The following PCDHGA8 variants were observed in gnomAD, a reference collection of about 807,000 sequenced individuals.
PCDHGA8 encodes the protein protocadherin gamma-A8.
A neutral mutation model predicts 59.2 loss-of-function variants in PCDHGA8; 45 were observed. The observed-to-expected ratio is 0.76, with a 90% CI of 0.60 to 0.98. PCDHGA8 has a LOEUF of 0.98. Ranked by LOEUF, PCDHGA8 falls within the 50% of genes least tolerant of loss-of-function variation. The pLI is 0.00. For synonymous variants in PCDHGA8, 531 were observed against 519.0 expected, an observed-to-expected ratio of 1.02 and a Z score of -0.32; for missense variants, 1,257 against 1,196.2, an observed-to-expected ratio of 1.05 and a Z score of -0.75.
chr5:141,441,762 C>A (rs3805697), intron 1 of PCDHGA8: 10 of 374,012 alleles, frequency 2.7e-5, no homozygotes, highest in Non-Finnish European at 2.2e-5. Flanking sequence ...CGTGAGCCTG[C>A]GCGTGTTGGT....
chr5:141,458,385 C>T (rs1371423838), intron 1 of PCDHGA8, among the ~76,000 whole-genome samples: 15 of 152,104 alleles, frequency 9.9e-5, no homozygotes, highest in East Asian at 1.9e-4. Context: ...AGAAGGAAGA[C>T]GCTCCCCCTT....
In PCDHGA8 at chr5:141,431,377, T is replaced by A; in HGVS notation, c.2424+36140T>A. 1 of 1,613,426 alleles carries A rather than the reference T, an allele frequency of 6.2e-7. No individual in the cohort carries two copies. Among genetic ancestry groups the A allele is most frequent in the Non-Finnish European group, 8.5e-7 (1 of 1,179,558 alleles). ...GCGCCCTGGACCGCGAAGAAAAGGC[T>A]GCTCACCACCTGGTCCTTACGGCCT... is the stretch of plus-strand genomic sequence containing the variant. On this transcript the variant is annotated intron_variant, in intron 1 of 3. Coordinates refer to ENST00000398604, the MANE Select transcript of PCDHGA8 (RefSeq NM_032088.2). This position sits in a 1 kb window ranked among gnomAD's most constrained non-coding sequence, Gnocchi z 4.8.
rs2099621975 is a variant in PCDHGA8 at position 141,485,946 on chromosome 5, G to A, written c.2425-8861G>A. ...AGTGTGTTGGAGAGCGCACCAGCGG[G>A]CATGGTGCTCATCCAGCTCAATGCC... On this transcript the variant is annotated intron_variant, in intron 1 of 3. Transcript: ENST00000398604. This position sits in a 1 kb window ranked among gnomAD's most constrained non-coding sequence, Gnocchi z 5.7. The A allele has an allele frequency of 1.2e-6, 2 of 1,614,040 alleles. No homozygotes were observed. The highest frequency in any genetic ancestry group is 2.2e-5 in the East Asian group (1 of 44,884).
intron 2 of PCDHGA8, among the ~76,000 whole-genome samples, chr5:141,502,500 G>A (rs1398797155): frequency 6.6e-6 from 1 of 152,046 alleles, no homozygotes; most frequent in Non-Finnish European, 1.5e-5. Context: ...ATCTAACGTC[G>A]GCCTGTCCCA....
intron 1 of PCDHGA8, among the ~76,000 whole-genome samples, chr5:141,482,178 C>T (rs950570560): frequency 2.6e-5 from 4 of 151,968 alleles, no homozygotes; most frequent in African/African-American, 4.8e-5. Context: ...TAAGGCTTTA[C>T]GATGCTCCAG....
Position 141,394,024 on chromosome 5 carries a change from T to C in PCDHGA8, c.1211T>C (p.Leu404Ser), listed in dbSNP as rs778553318. 6.2e-7 allele frequency: 1 copy of C among 1,613,530 alleles called. No homozygotes were observed. The highest frequency in any genetic ancestry group is 8.5e-7 in the Non-Finnish European group (1 of 1,179,654). Residue 404 changes from leucine (L) to serine (S), a missense_variant, in exon 1 of 4, where the codon TTA becomes TCA. Physicochemically the swap from Leu to Ser is moderately radical, Grantham distance 145. Transcript: ENST00000398604. Reference protein sequence around the residue: ...LEKSIGNYYRLVTRKYLDREN... With the variant: ...LEKSIGNYYRSVTRKYLDREN... ...AAGTCAATAGGTAATTATTATAGAT[T>C]AGTGACAAGGAAATATTTGGACCGA...
At chr5:141,407,969 A>C (rs900029714) in intron 1 of PCDHGA8, 1 of 708,308 alleles carries the variant, frequency 1.4e-6, no homozygotes, top group Non-Finnish European at 2.2e-6. Flanking sequence ...GCAAGCGCTG[A>C]CGCCGGGGAT....
intron 1 of PCDHGA8, among the ~76,000 whole-genome samples, chr5:141,460,983 GTA>G (rs59296681): frequency 1.2e-4 from 16 of 137,836 alleles, no homozygotes; most frequent in East Asian, 2.1e-4. Context: ...GTGTGTGTGT[GTA>G]TATATATATA....
chr5:141,410,820 T>A (rs1032991309), intron 1 of PCDHGA8: 14 of 524,668 alleles, frequency 2.7e-5, no homozygotes, highest in Non-Finnish European at 4.1e-5. Context: ...TAAAATAATG[T>A]CACCAGACTG....
intron 1 of PCDHGA8, among the ~76,000 whole-genome samples, chr5:141,444,771 T>C (rs987549188): frequency 6.6e-6 from 1 of 152,246 alleles, no homozygotes; most frequent in African/African-American, 2.4e-5. Context: ...TTCTATATTC[T>C]TGATCATGTT....
intron 1 of PCDHGA8, among the ~76,000 whole-genome samples, chr5:141,444,400 A>G (rs1400847351): frequency 1.3e-5 from 2 of 151,536 alleles, no homozygotes; most frequent in Admixed American, 6.6e-5. Flanking sequence ...TGAACTCCCA[A>G]CCTCAGGTGA....
At position 141,487,501 on chromosome 5, in the gene PCDHGA8, T is replaced by C. The variant is rs746285663; in HGVS notation, c.2425-7306T>C. 1.2e-6 allele frequency: 2 copies of C among 1,614,232 alleles called. No individual in the cohort carries two copies. The highest frequency in any genetic ancestry group is 3.3e-5 in the Admixed American group (2 of 60,028). ...ACTCTCATGGCTGTACACCCTTGGC[T>C]TCTGCACCCACTCGGAGTGATAGCT... On this transcript the variant is annotated intron_variant, in intron 1 of 3. Coordinates refer to ENST00000398604, the MANE Select transcript of PCDHGA8 (RefSeq NM_032088.2). The surrounding 1 kb of genome is among the most constrained non-coding windows in gnomAD (Gnocchi z 5.0).
chr5:141,403,992 T>G, intron 1 of PCDHGA8: 2 of 1,613,848 alleles, frequency 1.2e-6, no homozygotes, highest in South Asian at 2.2e-5. Flanking sequence ...AGACCTGAAG[T>G]GACCATTACA....
chr5:141,431,584 G>A lies in PCDHGA8; in HGVS notation c.2424+36347G>A, dbSNP rs201462681. 7 of 1,614,074 alleles carry A rather than the reference G, an allele frequency of 4.3e-6. No homozygotes were observed. The African/African-American group carries it at 9.3e-5, about 22-fold the overall frequency. On this transcript the variant is annotated intron_variant, in intron 1 of 3. Coordinates refer to ENST00000398604, the MANE Select transcript of PCDHGA8 (RefSeq NM_032088.2). The surrounding 1 kb of genome is among the most constrained non-coding windows in gnomAD (Gnocchi z 4.8). ...CCGACCCTGACGAAGGAGTCAATGC[G>A]GAAGTGAGGTATTCCTTCCGGTATG... is the stretch of plus-strand genomic sequence containing the variant.
In PCDHGA8 at chr5:141,417,886, C is replaced by G. The variant is rs1330007520; in HGVS notation, c.2424+22649C>G. Reference sequence around the variant, plus strand: ...TGGGAGGGAGCTGCGCGCAGAGGCGCCGGGCCGGCCCGCGGCAGGTACTAT... The same window carrying G: ...TGGGAGGGAGCTGCGCGCAGAGGCGGCGGGCCGGCCCGCGGCAGGTACTAT... On this transcript the variant is annotated intron_variant, in intron 1 of 3. Transcript: ENST00000398604. The G allele has an allele frequency of 9.0e-6, 14 of 1,563,624 alleles. No individual in the cohort carries two copies. The African/African-American group carries it at 1.9e-4, about 21-fold the overall frequency.
intron 1 of PCDHGA8, among the ~76,000 whole-genome samples, chr5:141,488,563 C>T (rs1352750895): frequency 1.3e-5 from 2 of 152,134 alleles, no homozygotes; most frequent in Admixed American, 6.6e-5. Flanking sequence ...TTGAGATTTC[C>T]GCAAAGCATT....
intron 1 of PCDHGA8, among the ~76,000 whole-genome samples, chr5:141,439,623 C>T (rs1219064055): frequency 6.6e-6 from 1 of 152,186 alleles, no homozygotes; most frequent in East Asian, 1.9e-4. Context: ...ATGAGCCAAT[C>T]CCCAGACATT....
rs753954982 is a variant in PCDHGA8 at position 141,478,158 on chromosome 5, C to A, written c.2425-16649C>A. 9 of 1,613,936 alleles carry A rather than the reference C, an allele frequency of 5.6e-6. No individual in the cohort carries two copies. In the African/African-American group the frequency reaches 1.2e-4, roughly 22 times the overall value. On this transcript the variant is annotated intron_variant, in intron 1 of 3. Transcript: ENST00000398604. ...GCCCGAGCCGAGTTCCCCTCTGGCT[C>A]TGCCCCCCGGGAGCAGAAAAAAAAT...
rs754935227 is a variant in PCDHGA8 at position 141,395,069 on chromosome 5, C to G, written c.2256C>G (p.Thr752=). The G allele has an allele frequency of 3.7e-6, 6 of 1,614,006 alleles. No homozygotes were observed. In the African/African-American group the frequency reaches 8.0e-5, roughly 22 times the overall value. The part of the protein sequence containing the change: ...GVEEVQAFLQ[T]YSQEVSLTAD... ...AGGAGGTACAGGCTTTCCTGCAGAC[C>G]TATTCCCAGGAAGTCTCCCTCACCG... Residue 752 remains threonine, a synonymous_variant, in exon 1 of 4, where the codon ACC becomes ACG. Transcript: ENST00000398604.
Sources: gnomAD v4.1 joint callset for allele counts (sites outside exome capture counted in the v4.1 genomes callset) on GRCh38, gnomAD v4.1.1 for gene constraint, Gnocchi (gnomAD v3.1) non-coding constraint, MANE v1.5 for transcripts, NCBI Gene and HGNC (gene_info 2026-07-23, HGNC 2026-07-21) for gene names.